Variants in CIAO3 observed in about 807,000 individuals in gnomAD.
CIAO3 encodes LET1 like/JFP15.
CIAO3 carries 45 observed loss-of-function variants against 51.5 expected under a neutral mutation model. The ratio of observed to expected loss-of-function variants is 0.87; its 90% CI spans 0.69 to 1.12. The LOEUF is 1.12. Among genes scored for constraint, CIAO3 ranks in the 50% most tolerant of loss-of-function variants. CIAO3 has a pLI of 0.00. For missense variants in CIAO3, 668 were observed against 632.5 expected, an observed-to-expected ratio of 1.06 and a Z score of -0.60; for synonymous variants, 314 against 269.3, an observed-to-expected ratio of 1.17 and a Z score of -1.63.
rs770767703 is a variant in CIAO3, at chr16:732,522, G to A, written c.824-149C>T. ...CCCTAGCCCGTGGTGGGGAGGCCAG[G>A]CCCGGTCACTCCTGAAGCCCCTCTG... On this transcript the variant is annotated intron_variant, in intron 7 of 10. Transcript: ENST00000251588. 4.6e-6 allele frequency: 4 copies of A among 877,612 alleles called. No homozygotes were observed. In the South Asian group the frequency reaches 5.6e-5, roughly 12 times the overall value. The allele number at this position is 877,612 out of a possible 1,614,324, so 54.4% of individuals were successfully genotyped here.
chr16:740,876 G>A, intron 1 of CIAO3, 44 bp downstream of exon 1: 2 of 1,503,402 alleles, frequency 1.3e-6, no homozygotes, highest in South Asian at 2.4e-5. Context: ...CGCGCGACAG[G>A]GCACCGAGCG....
At chr16:733,233 G>C in intron 7 of CIAO3, 65 bp downstream of exon 7, 1 of 1,591,044 alleles carries the variant, frequency 6.3e-7, no homozygotes, top group Non-Finnish European at 8.6e-7. Flanking sequence ...GTCGCCACCT[G>C]TGCCCAGGGC....
intron 6 of CIAO3, 29 bp downstream of exon 6, chr16:734,200 T>A: frequency 6.3e-7 from 1 of 1,595,816 alleles, no homozygotes; most frequent in Non-Finnish European, 8.6e-7. Context: ...CTCCCCAGCC[T>A]GAGTCTGGGG....
At chr16:740,571 T>G in intron 1 of CIAO3, 14 of 358,650 alleles carry the variant, frequency 3.9e-5, no homozygotes, top group East Asian at 6.1e-5. Context: ...AGGGGTCGGG[T>G]TAGGGTTAGG....
At chr16:739,866 C>T (rs1167173000) in intron 1 of CIAO3, 128 bp from the exon 2 acceptor site, 27 of 1,237,860 alleles carry the variant, frequency 2.2e-5, no homozygotes, top group Non-Finnish European at 2.7e-5. Context: ...CACTCAGGGA[C>T]TGAGGCTGGT....
At position 737,853 on chromosome 16, in the gene CIAO3, A is replaced by C; in HGVS notation, c.163-524T>G. The C allele has an allele frequency of 8.5e-7, 1 of 1,183,146 alleles. No individual in the cohort carries two copies. The highest frequency in any genetic ancestry group is 1.1e-6 in the Non-Finnish European group (1 of 937,764). 73.3% of individuals were successfully genotyped at this position (1,183,146 alleles called of 1,614,324 possible). On this transcript the variant is annotated intron_variant, in intron 2 of 10. Coordinates refer to ENST00000251588, the MANE Select transcript of CIAO3 (RefSeq NM_022493.3). The surrounding 1 kb of genome is among the most constrained non-coding windows in gnomAD (Gnocchi z 5.3). ...AACAGATGCAGGAACAAGGTGTTCCAGTCGGGGGCCTCCGGGACATGCCTC... is the reference window on the plus strand; with the variant it reads ...AACAGATGCAGGAACAAGGTGTTCCCGTCGGGGGCCTCCGGGACATGCCTC...
chr16:733,375 T>C lies in CIAO3; in HGVS notation c.746A>G (p.Lys249Arg), dbSNP rs369819935. 1.9e-6 allele frequency: 3 copies of C among 1,613,790 alleles called. No individual in the cohort carries two copies. In the African/African-American group the frequency reaches 4.0e-5, roughly 22 times the overall value. Residue 249 changes from lysine (K) to arginine (R), a missense_variant, in exon 7 of 11, where the codon AAA (lysine) becomes AGA (arginine). Transcript: ENST00000251588. Reference protein sequence around the residue: ...YHVTVMPCYDKKLEASRPDFF... With the variant: ...YHVTVMPCYDRKLEASRPDFF... Reference sequence around the variant, plus strand: ...GTCGGGTCTGGAGGCTTCCAGCTTTTTGTCATAGCAGGGCATCACTGTGAC... The same window carrying C: ...GTCGGGTCTGGAGGCTTCCAGCTTTCTGTCATAGCAGGGCATCACTGTGAC...
In CIAO3 at chr16:737,098, C is replaced by T; in HGVS notation, c.306+88G>A. The T allele has an allele frequency of 6.3e-7, 1 of 1,576,622 alleles. No homozygotes were observed. Among genetic ancestry groups the T allele is most frequent in the Middle Eastern group, 1.7e-4 (1 of 5,750 alleles). ...CCACCCGCACGACGGACGTCGGCAC[C>T]ACACGAGCTGCCCTTGGCAAAACGC... On this transcript the variant is annotated intron_variant, in intron 3 of 10. Transcript: ENST00000251588. The surrounding 1 kb of genome is among the most constrained non-coding windows in gnomAD (Gnocchi z 5.3).
In CIAO3 at chr16:730,954, G is replaced by A. The variant is rs749412152; in HGVS notation, c.1081C>T (p.Leu361=). The part of the protein sequence containing the change: ...EVTLEKEGQV[L]LHFAMAYGFR... ...CCGTACGCCATTGCGAAGTGCAGCA[G>A]CACCTGGCCCTCCTTCTCCAGTGTC... The change falls in exon 10 of 11, where the codon CTG becomes TTG. Residue 361 remains leucine, a synonymous_variant. Coordinates refer to ENST00000251588, the MANE Select transcript of CIAO3 (RefSeq NM_022493.3). 22 of 1,613,006 alleles carry A rather than the reference G, an allele frequency of 1.4e-5. No individual in the cohort carries two copies. The highest frequency in any genetic ancestry group is 1.9e-5 in the Non-Finnish European group (22 of 1,179,990).
rs1016677432 is a variant in CIAO3, at chr16:731,547, C to G, written c.1034+18G>C. ...CTGTGTGGCCGCTCTGCCCAGAGAT[C>G]TGGCCCATCCCACTGACCTCAGGGG... On this transcript the variant is annotated intron_variant, in intron 9 of 10. Transcript: ENST00000251588. The G allele has an allele frequency of 6.4e-7, 1 of 1,552,712 alleles. No individual in the cohort carries two copies. The highest frequency in any genetic ancestry group is 1.4e-5 in the African/African-American group (1 of 73,392).
Position 730,371 on chromosome 16 carries a change from T to C in CIAO3, c.*46A>G. On this transcript the variant is annotated 3_prime_UTR_variant, in exon 11 of 11. Coordinates refer to ENST00000251588, the MANE Select transcript of CIAO3 (RefSeq NM_022493.3). Reference sequence around the variant, plus strand: ...GGGGTCTTGGGGCATGTGGTTCTGCTGTCACACATGGACACGGCCTCCTGG... The same window carrying C: ...GGGGTCTTGGGGCATGTGGTTCTGCCGTCACACATGGACACGGCCTCCTGG... The C allele has an allele frequency of 6.4e-7, 1 of 1,554,526 alleles. No individual in the cohort carries two copies. The highest frequency in any genetic ancestry group is 1.3e-5 in the African/African-American group (1 of 74,204).
rs2041305623 is a variant in CIAO3 at position 733,411 on chromosome 16, T to C, written c.710A>G (p.Lys237Arg). The C allele has an allele frequency of 1.9e-6, 3 of 1,613,704 alleles. No homozygotes were observed. Among genetic ancestry groups the C allele is most frequent in the Non-Finnish European group, 2.5e-6 (3 of 1,179,980 alleles). The change falls in exon 7 of 11, where the codon AAG (lysine) becomes AGG (arginine). Residue 237 changes from lysine to arginine, a missense_variant. Physicochemically the swap from Lys to Arg is conservative, Grantham distance 26. Coordinates refer to ENST00000251588, the MANE Select transcript of CIAO3 (RefSeq NM_022493.3). Reference sequence around the variant, plus strand: ...GGGCATCACTGTGACGTGGTAGATCTTGTCAGGGGTCAAGTGCTACAAGGA... The same window carrying C: ...GGGCATCACTGTGACGTGGTAGATCCTGTCAGGGGTCAAGTGCTACAAGGA... The part of the protein sequence containing the change: ...FAQQQHLTPD[K>R]IYHVTVMPCY...
rs1168916756 is a variant in CIAO3 at position 730,613 on chromosome 16, G to C, written c.1235C>G (p.Pro412Arg). The change falls in exon 11 of 11, where the codon CCC becomes CGC. Residue 412 changes from proline (P) to arginine (R), a missense_variant. By Grantham distance (103) the Pro-to-Arg change is moderately radical. Transcript: ENST00000251588. ...GGGQLQAPDR[P>R]SRELLQHVER... Reference sequence around the variant, plus strand: ...CACGTGCTGGAGGAGCTCTCTGCTGGGCCTGTCTGGGGCCTGGAGCTGGCC... The same window carrying C: ...CACGTGCTGGAGGAGCTCTCTGCTGCGCCTGTCTGGGGCCTGGAGCTGGCC... The C allele has an allele frequency of 6.2e-7, 1 of 1,610,308 alleles. No homozygotes were observed.
Position 737,468 on chromosome 16 carries a change from T to C in CIAO3, c.163-139A>G. 6.5e-7 allele frequency: 1 copy of C among 1,529,184 alleles called. No individual in the cohort carries two copies. 94.7% of individuals were successfully genotyped at this position (1,529,184 alleles called of 1,614,324 possible). On this transcript the variant is annotated intron_variant, in intron 2 of 10. Coordinates refer to ENST00000251588, the MANE Select transcript of CIAO3 (RefSeq NM_022493.3). The surrounding 1 kb of genome is among the most constrained non-coding windows in gnomAD (Gnocchi z 5.3). The stretch of plus-strand genomic sequence containing the variant: ...TGTGTGCCGCTGAATTTTTAAAAAT[T>C]AGGTATGTATTACAAAAATGCACAC...
chr16:738,936 GC>G (rs2041365544), intron 2 of CIAO3, among the ~76,000 whole-genome samples: 1 of 148,522 alleles, frequency 6.7e-6, no homozygotes, highest in African/African-American at 2.5e-5. Context: ...GAGCCACCGC[GC>G]CCAGCCTGAA....
intron 1 of CIAO3, 123 bp downstream of exon 1, chr16:740,797 C>G: frequency 2.8e-6 from 3 of 1,052,874 alleles, no homozygotes; most frequent in Non-Finnish European, 4.1e-6. Context: ...CCTGACGGCC[C>G]AGACCGGGCT....
chr16:737,229 T>C lies in CIAO3; in HGVS notation c.263A>G (p.Gln88Arg). Residue 88 changes from glutamine to arginine, a missense_variant, in exon 3 of 11, where the codon CAG becomes CGG. By Grantham distance (43) the Gln-to-Arg change is conservative. Transcript: ENST00000251588. The surrounding 1 kb of genome is among the most constrained non-coding windows in gnomAD (Gnocchi z 5.3). The part of the protein sequence containing the change: ...ITSAETVLIT[Q>R]QSHEELKKVL... Reference sequence around the variant, plus strand: ...CTTCTTCAGCTCCTCGTGGCTCTGCTGGGTGATAAGCACGGTCTCTGCGGA... The same window carrying C: ...CTTCTTCAGCTCCTCGTGGCTCTGCCGGGTGATAAGCACGGTCTCTGCGGA... The C allele has an allele frequency of 6.2e-7, 1 of 1,613,782 alleles. No homozygotes were observed. The highest frequency in any genetic ancestry group is 1.1e-5 in the South Asian group (1 of 91,092).
intron 1 of CIAO3, chr16:740,301 A>G: frequency 2.8e-6 from 1 of 355,358 alleles, no homozygotes. Context: ...CACCCAGAAA[A>G]GGGCGCCTGC....
rs1321779508 is a variant in CIAO3, at chr16:737,584, G to T, written c.163-255C>A. 6 of 1,452,946 alleles carry T rather than the reference G, an allele frequency of 4.1e-6. No individual in the cohort carries two copies. Among genetic ancestry groups the T allele is most frequent in the Non-Finnish European group, 3.7e-6 (4 of 1,094,820 alleles). The allele number at this position is 1,452,946 out of a possible 1,614,324, so 90.0% of individuals were successfully genotyped here. A position where few individuals can be genotyped will look rare whatever the true frequency, so the allele number is the denominator to read the frequency against. On this transcript the variant is annotated intron_variant, in intron 2 of 10. Coordinates refer to ENST00000251588, the MANE Select transcript of CIAO3 (RefSeq NM_022493.3). The surrounding 1 kb of genome is among the most constrained non-coding windows in gnomAD (Gnocchi z 5.3). ...AATCACAGGACTAAGGCTTGCCACTGGTATCTCAGCAAAGCAGCAGCCACC... is the reference window on the plus strand; with the variant it reads ...AATCACAGGACTAAGGCTTGCCACTTGTATCTCAGCAAAGCAGCAGCCACC...
Sources: gnomAD v4.1 joint callset for allele counts (sites outside exome capture counted in the v4.1 genomes callset) on GRCh38, gnomAD v4.1.1 for gene constraint, Gnocchi (gnomAD v3.1) non-coding constraint, MANE v1.5 for transcripts, NCBI Gene and HGNC (gene_info 2026-07-23, HGNC 2026-07-21) for gene names.